GYG1: variants seen among roughly 807,000 people sequenced by gnomAD.
GYG1 encodes the protein glycogenin-1.
In GYG1, 44 loss-of-function variants were observed where a neutral mutation model predicts 41.9. The observed-to-expected ratio is 1.05, with a 90% CI of 0.83 to 1.35. The LOEUF (loss-of-function observed/expected upper bound fraction) is 1.35. GYG1 is among the 40% of genes most tolerant of loss of function. The pLI is 0.00. For synonymous variants in GYG1, 141 were observed against 158.1 expected, an observed-to-expected ratio of 0.89 and a Z score of 0.81; for missense variants, 429 against 418.9, an observed-to-expected ratio of 1.02 and a Z score of -0.21.
At chr3:149,024,016 A>G in intron 5 of GYG1, 37 bp from the exon 6 acceptor site, 1 of 1,434,986 alleles carries the variant, frequency 7.0e-7, no homozygotes, top group Non-Finnish European at 9.8e-7. Flanking sequence ...CAGTACTCAG[A>G]ATCCACTAAC....
At position 149,027,728 on chromosome 3, in the gene GYG1, TAAAA is replaced by T. The variant is rs940782689; in HGVS notation, c.*798_*801del. On this transcript the variant is annotated 3_prime_UTR_variant, in exon 8 of 8. Coordinates refer to ENST00000345003, the MANE Select transcript of GYG1 (RefSeq NM_004130.4). ...CAATTTTTGGAATTTGTCATAGTTT[TAAAA>T]AAGTGTAAAGCTTGACATTGGGATA... The T allele has an allele frequency of 6.6e-6, 1 of 152,200 alleles. No individual in the cohort carries two copies. 9.4% of individuals were successfully genotyped at this position (152,200 alleles called of 1,614,324 possible). A position where few individuals can be genotyped will look rare whatever the true frequency, so the allele number is the denominator to read the frequency against.
At chr3:148,998,600 C>T (rs1712934797) in intron 4 of GYG1, among the ~76,000 whole-genome samples, 1 of 152,106 alleles carries the variant, frequency 6.6e-6, no homozygotes, top group African/African-American at 2.4e-5. Context: ...TTTTAAGCAA[C>T]CTTAAAATAA....
At chr3:148,991,772 C>T in intron 1 of GYG1, 125 bp downstream of exon 1, 1 of 795,954 alleles carries the variant, frequency 1.3e-6, no homozygotes, top group Non-Finnish European at 1.9e-6. Flanking sequence ...CGCAAAGTTG[C>T]TGGCTGGCCG....
chr3:149,009,897 C>A (rs977908182), intron 5 of GYG1, among the ~76,000 whole-genome samples: 18 of 152,204 alleles, frequency 1.2e-4, no homozygotes, highest in African/African-American at 3.1e-4. Context: ...TGGATGACCT[C>A]ACTTCACATC....
At chr3:149,015,602 T>TGGATGTG (rs1409094651) in intron 5 of GYG1, among the ~76,000 whole-genome samples, 5 of 152,166 alleles carry the variant, frequency 3.3e-5, no homozygotes, top group African/African-American at 1.2e-4. Context: ...GAATTGGCAC[T>TGGATGTG]GGATGTGGAA....
intron 5 of GYG1, 91 bp from the exon 6 acceptor site, chr3:149,023,962 G>T (rs903025490): frequency 5.7e-6 from 5 of 873,538 alleles, no homozygotes; most frequent in African/African-American, 4.9e-5. Flanking sequence ...TCTTAAGAAA[G>T]AAAGCTATAG....
chr3:148,997,385 A>G (rs1712862909), intron 4 of GYG1, among the ~76,000 whole-genome samples: 1 of 152,228 alleles, frequency 6.6e-6, no homozygotes, highest in Admixed American at 6.5e-5. Context: ...AGTTTGTGTG[A>G]ATAATCTTTG....
At position 149,026,927 on chromosome 3, in the gene GYG1, C is replaced by T. The variant is rs755591709; in HGVS notation, c.1047C>T (p.Leu349=). ...DNIKRKLDTY[L]Q Reference sequence around the variant, plus strand: ...TCAAGAGGAAACTTGACACTTACCTCCAGTAGAAACACTGCATTTTTCTGT... The same window carrying T: ...TCAAGAGGAAACTTGACACTTACCTTCAGTAGAAACACTGCATTTTTCTGT... Residue 349 remains leucine, a synonymous_variant, in exon 8 of 8, where the codon CTC becomes CTT. Coordinates refer to ENST00000345003, the MANE Select transcript of GYG1 (RefSeq NM_004130.4). 6.2e-7 allele frequency: 1 copy of T among 1,613,718 alleles called. No homozygotes were observed. The highest frequency in any genetic ancestry group is 8.5e-7 in the Non-Finnish European group (1 of 1,179,570).
In GYG1 at chr3:149,026,797, G is replaced by C; in HGVS notation, c.917G>C (p.Gly306Ala). 1 of 1,613,718 alleles carries C rather than the reference G, an allele frequency of 6.2e-7. No homozygotes were observed. Among genetic ancestry groups the C allele is most frequent in the Non-Finnish European group, 8.5e-7 (1 of 1,179,694 alleles). The change falls in exon 8 of 8, where the codon GGG becomes GCG. Residue 306 changes from glycine to alanine, a missense_variant. Transcript: ENST00000345003. ...VSGAISHLSLGEIPAMAQPFV... is the reference protein window; with the variant it reads ...VSGAISHLSLAEIPAMAQPFV... ...GGAGCCATATCACATCTGTCCCTTG[G>C]GGAGATCCCAGCTATGGCACAGCCG...
chr3:149,005,332 A>G (rs1194794196), intron 4 of GYG1, among the ~76,000 whole-genome samples: 1 of 152,214 alleles, frequency 6.6e-6, no homozygotes, highest in Non-Finnish European at 1.5e-5. Flanking sequence ...GGGAAGGAAC[A>G]TCTATTACAC....
intron 3 of GYG1, 132 bp from the exon 4 acceptor site, chr3:148,996,610 G>A: frequency 8.4e-7 from 1 of 1,187,008 alleles, no homozygotes; most frequent in South Asian, 1.2e-5. Flanking sequence ...ATATGTCAGG[G>A]GATGAAGGAG....
rs1345485655 is a variant in GYG1 at position 149,029,203 on chromosome 3, G to A, written c.*2270G>A. ...GTGAAGTATTAACTAACTTTTCCAT[G>A]TAAAGCTATACAAATATTGGAAAAT... On this transcript the variant is annotated 3_prime_UTR_variant, in exon 8 of 8. Transcript: ENST00000345003. Among the ~76,000 whole-genome samples, 2 of 152,298 alleles carry A rather than the reference G, an allele frequency of 1.3e-5. No homozygotes were observed. Among genetic ancestry groups the A allele is most frequent in the East Asian group, 3.9e-4 (2 of 5,188 alleles).
At chr3:149,007,844 CCTGTT>C (rs1261152362) in intron 4 of GYG1, among the ~76,000 whole-genome samples, 1 of 152,176 alleles carries the variant, frequency 6.6e-6, no homozygotes, top group African/African-American at 2.4e-5. Flanking sequence ...ATCGTGAACT[CCTGTT>C]CTGCTGCTTG....
rs1330476252 is a variant in GYG1, at chr3:148,994,258, C to A, written c.124C>A (p.Gln42Lys). 4.3e-6 allele frequency: 7 copies of A among 1,614,114 alleles called. No individual in the cohort carries two copies. The highest frequency in any genetic ancestry group is 5.9e-6 in the Non-Finnish European group (7 of 1,179,996). Reference sequence around the variant, plus strand: ...GAGGCTGGTCGTGCTCGCCACCCCTCAGGTCTCAGACTCCATGAGGTGAGG... The same window carrying A: ...GAGGCTGGTCGTGCTCGCCACCCCTAAGGTCTCAGACTCCATGAGGTGAGG... The part of the protein sequence containing the change: ...TRRLVVLATP[Q>K]VSDSMRKVLE... The change falls in exon 2 of 8, where the codon CAG becomes AAG. Residue 42 changes from glutamine (Q) to lysine (K), a missense_variant. Coordinates refer to ENST00000345003, the MANE Select transcript of GYG1 (RefSeq NM_004130.4).
chr3:149,003,660 C>G (rs561358711), intron 4 of GYG1, among the ~76,000 whole-genome samples: 15 of 152,274 alleles, frequency 9.9e-5, no homozygotes, highest in African/African-American at 2.9e-4. Context: ...GATGTGGCTT[C>G]TGATTCTGTA....
chr3:149,001,887 G>A (rs1713113333), intron 4 of GYG1, among the ~76,000 whole-genome samples: 1 of 152,122 alleles, frequency 6.6e-6, no homozygotes. Context: ...CTATTACCTT[G>A]GCTTTATGAC....
intron 5 of GYG1, 22 bp from the exon 6 acceptor site, chr3:149,024,031 T>C: frequency 6.4e-7 from 1 of 1,571,330 alleles, no homozygotes; most frequent in Non-Finnish European, 8.8e-7. Flanking sequence ...ACTAACTGTT[T>C]CAACTTGCGT....
At position 149,009,360 on chromosome 3, in the gene GYG1, T is replaced by G. The variant is rs747745774; in HGVS notation, c.566T>G (p.Leu189Arg). The G allele has an allele frequency of 6.2e-7, 1 of 1,610,736 alleles. No individual in the cohort carries two copies. Among genetic ancestry groups the G allele is most frequent in the Non-Finnish European group, 8.5e-7 (1 of 1,177,134 alleles). The change falls in exon 5 of 8, where the codon CTA becomes CGA. Residue 189 changes from leucine to arginine, a missense_variant. Transcript: ENST00000345003. Reference protein sequence around the residue: ...IRKHLPFIYNLSSISIYSYLP... With the variant: ...IRKHLPFIYNRSSISIYSYLP... The stretch of plus-strand genomic sequence containing the variant: ...AAACACCTGCCGTTTATTTATAACC[T>G]AAGCAGCATCTCTATATACTCCTAC...
chr3:149,019,293 A>G (rs1714236233), intron 5 of GYG1, among the ~76,000 whole-genome samples: 1 of 152,072 alleles, frequency 6.6e-6, no homozygotes, highest in Non-Finnish European at 1.5e-5. Context: ...ACTGGCCCCA[A>G]CTAATTTGTA....
Sources: allele counts gnomAD v4.1 joint callset (sites outside exome capture counted in the v4.1 genomes callset), GRCh38; gene constraint gnomAD v4.1.1; transcripts MANE v1.5; gene names NCBI Gene and HGNC (gene_info 2026-07-23, HGNC 2026-07-21).